Variants in NRXN1 observed in about 807,000 individuals in gnomAD.
The protein encoded by NRXN1 is neurexin-1.
Under a neutral mutation model 150.9 loss-of-function variants are expected in NRXN1, and 39 were observed. That is an observed-to-expected ratio of 0.26 (90% confidence interval 0.20 to 0.34). The LOEUF is 0.34. Ranked by LOEUF, NRXN1 falls within the 10% of genes least tolerant of loss-of-function variation. The pLI is 1.00. For missense variants in NRXN1, 1,815 were observed against 1,949.9 expected, an observed-to-expected ratio of 0.93 and a Z score of 1.30; for synonymous variants, 924 against 757.0, an observed-to-expected ratio of 1.22 and a Z score of -3.62.
chr2:50,014,099 T>TG (rs1220084143), intron 21 of NRXN1, among the ~76,000 whole-genome samples: 2 of 151,898 alleles, frequency 1.3e-5, no homozygotes, highest in East Asian at 1.9e-4. Flanking sequence ...GAGCTTGTTT[T>TG]TTTTTTGTTT....
At chr2:50,043,909 G>C (rs947819304) in intron 21 of NRXN1, among the ~76,000 whole-genome samples, 1 of 152,048 alleles carries the variant, frequency 6.6e-6, no homozygotes, top group African/African-American at 2.4e-5. Context: ...TTTGAGATTT[G>C]GGTCATCATG....
At chr2:50,027,505 C>T (rs1051769175) in intron 21 of NRXN1, among the ~76,000 whole-genome samples, 3 of 151,846 alleles carry the variant, frequency 2.0e-5, no homozygotes, top group Non-Finnish European at 4.4e-5. Context: ...TGCAGTGGCA[C>T]TCTCATGACT....
At chr2:50,190,399 G>T (rs1415391023) in intron 18 of NRXN1, among the ~76,000 whole-genome samples, 1 of 152,040 alleles carries the variant, frequency 6.6e-6, no homozygotes, top group Non-Finnish European at 1.5e-5. Flanking sequence ...ACTTCAAAGA[G>T]AATTTTGTCT....
chr2:50,538,042 T>C (rs1411164725), intron 10 of NRXN1, among the ~76,000 whole-genome samples: 2 of 152,192 alleles, frequency 1.3e-5, no homozygotes, highest in Non-Finnish European at 1.5e-5. Flanking sequence ...TCCTGCAATA[T>C]ACTTAAGAAC....
intron 5 of NRXN1, among the ~76,000 whole-genome samples, chr2:50,730,672 CTTT>C (rs56042523): frequency 2.5e-5 from 3 of 122,020 alleles, no homozygotes; most frequent in Admixed American, 9.4e-5. Flanking sequence ...TTCTTGTTTT[CTTT>C]TTTTTTTTTT....
intron 5 of NRXN1, among the ~76,000 whole-genome samples, chr2:50,706,910 G>C (rs1299573300): frequency 1.3e-5 from 2 of 150,844 alleles, no homozygotes; most frequent in Non-Finnish European, 2.9e-5. Flanking sequence ...AAGCCTTCTA[G>C]TTTTCCTTGT....
chr2:50,697,220 A>G (rs17560229), intron 5 of NRXN1, among the ~76,000 whole-genome samples: 16,771 of 152,248 alleles, frequency 0.11, 986 homozygotes, highest in Middle Eastern at 0.16. Flanking sequence ...GCTTGTATAA[A>G]TAAACTTCAT....
chr2:50,141,934 G>T (rs1707330658), intron 18 of NRXN1, among the ~76,000 whole-genome samples: 1 of 152,002 alleles, frequency 6.6e-6, no homozygotes, highest in Admixed American at 6.6e-5. Flanking sequence ...ACATGATTCA[G>T]CAATCCCACT....
intron 2 of NRXN1, among the ~76,000 whole-genome samples, chr2:50,943,531 T>C (rs757398957): frequency 1.3e-5 from 2 of 152,202 alleles, no homozygotes; most frequent in Non-Finnish European, 2.9e-5. Context: ...ATGATGGAAA[T>C]GTTCTATGAA....
At chr2:50,810,728 T>A (rs1014688133) in intron 5 of NRXN1, among the ~76,000 whole-genome samples, 1 of 152,162 alleles carries the variant, frequency 6.6e-6, no homozygotes, top group African/African-American at 2.4e-5. Context: ...ATGCCTGTAA[T>A]CCCAGCACTT....
intron 17 of NRXN1, among the ~76,000 whole-genome samples, chr2:50,280,441 C>G (rs1367577687): frequency 1.3e-5 from 2 of 152,074 alleles, no homozygotes; most frequent in African/African-American, 4.8e-5. Context: ...GAAGCACACC[C>G]CCATATAGCC....
At chr2:50,010,110 T>C (rs1685414319) in intron 21 of NRXN1, among the ~76,000 whole-genome samples, 2 of 151,432 alleles carry the variant, frequency 1.3e-5, no homozygotes. Context: ...ATTTACCAAA[T>C]CCATTTTGTC....
chr2:50,719,723 T>C (rs1046323194), intron 5 of NRXN1, among the ~76,000 whole-genome samples: 4 of 152,122 alleles, frequency 2.6e-5, no homozygotes, highest in Non-Finnish European at 4.4e-5. Context: ...TCATTTTTCA[T>C]TGGATTTATT....
At chr2:50,718,179 T>TA (rs1305881290) in intron 5 of NRXN1, among the ~76,000 whole-genome samples, 4 of 152,134 alleles carry the variant, frequency 2.6e-5, no homozygotes, top group Admixed American at 2.6e-4. Flanking sequence ...TGGTTTCAGA[T>TA]AAAAAATAGG....
At chr2:50,386,878 G>A (rs567434525) in intron 17 of NRXN1, among the ~76,000 whole-genome samples, 1 of 152,228 alleles carries the variant, frequency 6.6e-6, no homozygotes, top group South Asian at 2.1e-4. Context: ...GGCTGGACAA[G>A]GAACTGGATG....
intron 18 of NRXN1, among the ~76,000 whole-genome samples, chr2:50,102,036 A>G (rs563270967): frequency 6.6e-6 from 1 of 152,142 alleles, no homozygotes; most frequent in East Asian, 1.9e-4. Context: ...ATAGAAATGC[A>G]TTTACCAATG....
At chr2:50,215,277 G>C (rs1368531786) in intron 18 of NRXN1, among the ~76,000 whole-genome samples, 2 of 151,950 alleles carry the variant, frequency 1.3e-5, no homozygotes, top group Non-Finnish European at 2.9e-5. Context: ...TGAAGGTAAA[G>C]AATGTTACAT....
chr2:50,730,786 C>T (rs1698005978), intron 5 of NRXN1, among the ~76,000 whole-genome samples: 1 of 150,782 alleles, frequency 6.6e-6, no homozygotes, highest in Non-Finnish European at 1.5e-5. Context: ...CATTCTCCTG[C>T]CTCAGCCTCC....
intron 2 of NRXN1, among the ~76,000 whole-genome samples, chr2:50,944,656 G>A (rs181813073): frequency 3.8e-4 from 58 of 152,240 alleles, no homozygotes; most frequent in Non-Finnish European, 4.3e-4. Context: ...CTGAGTAACA[G>A]CAAGAATCTG....
Sources: gnomAD v4.1 joint callset for allele counts (sites outside exome capture counted in the v4.1 genomes callset) on GRCh38, gnomAD v4.1.1 for gene constraint, MANE v1.5 for transcripts, NCBI Gene and HGNC (gene_info 2026-07-23, HGNC 2026-07-21) for gene names.